RASL12: variants seen among roughly 807,000 people sequenced by gnomAD.
RASL12 encodes the protein RAS like family 12, also known as ras-like protein family member 12.
Under a neutral mutation model 22.9 loss-of-function variants are expected in RASL12, and 16 were observed. That is an observed-to-expected ratio of 0.70 (90% CI 0.47 to 1.06). RASL12 has a LOEUF of 1.06. Among genes scored for constraint, RASL12 ranks in the 50% least tolerant of loss-of-function variants. RASL12 has a pLI of 0.00. For synonymous variants in RASL12, 159 were observed against 152.2 expected, an observed-to-expected ratio of 1.04 and a Z score of -0.33; for missense variants, 306 against 353.1, an observed-to-expected ratio of 0.87 and a Z score of 1.07.
At chr15:65,063,220 AG>A (rs1358742835) in intron 2 of RASL12, among the ~76,000 whole-genome samples, 1 of 143,876 alleles carries the variant, frequency 7.0e-6, no homozygotes, top group East Asian at 2.1e-4. Flanking sequence ...AAAAAAAAAA[AG>A]GAATAATTTT....
downstream of RASL12, chr15:65,049,261 T>C (rs2086615829): frequency 6.6e-6 from 1 of 150,906 alleles, no homozygotes. Context: ...GTAAGGGATT[T>C]ATCCAGAGAG....
chr15:65,065,689 C>T (rs2086867614), intron 1 of RASL12, among the ~76,000 whole-genome samples: 1 of 152,136 alleles, frequency 6.6e-6, no homozygotes, highest in Admixed American at 6.5e-5. Flanking sequence ...GCTTTAGCTA[C>T]AAGCCAAAAA....
At chr15:65,063,546 C>G (rs1389551233) in intron 2 of RASL12, among the ~76,000 whole-genome samples, 1 of 152,198 alleles carries the variant, frequency 6.6e-6, no homozygotes, top group East Asian at 1.9e-4. Flanking sequence ...GGGCCTGTTT[C>G]CTCCACTGTA....
At chr15:65,073,997 T>C (rs1291620740) in intron 1 of RASL12, among the ~76,000 whole-genome samples, 3 of 152,198 alleles carry the variant, frequency 2.0e-5, no homozygotes, top group African/African-American at 7.2e-5. Context: ...GCAGCAAGTG[T>C]GGAATTCCCA....
chr15:65,064,468 T>C (rs2086852216), intron 2 of RASL12, among the ~76,000 whole-genome samples: 1 of 152,224 alleles, frequency 6.6e-6, no homozygotes, highest in Non-Finnish European at 1.5e-5. Context: ...AAAACAACAG[T>C]TGTTTTCTCA....
chr15:65,063,983 G>A (rs1376332932), intron 2 of RASL12, among the ~76,000 whole-genome samples: 1 of 152,186 alleles, frequency 6.6e-6, no homozygotes, highest in East Asian at 1.9e-4. Flanking sequence ...TGCTTTAATT[G>A]ATTTTTATGA....
At chr15:65,060,124 C>T (rs1455976570) in intron 2 of RASL12, among the ~76,000 whole-genome samples, 1 of 152,192 alleles carries the variant, frequency 6.6e-6, no homozygotes, top group Non-Finnish European at 1.5e-5. Flanking sequence ...TTTCCTTTGT[C>T]CCAGGCGCTG....
downstream of RASL12, chr15:65,049,800 G>T: frequency 4.7e-3 from 1,593 of 338,970 alleles, no homozygotes; most frequent in Middle Eastern, 9.5e-3. Context: ...GGTCGTTTTT[G>T]TCCCATAACT....
chr15:65,073,714 T>C (rs1276729049), intron 1 of RASL12, among the ~76,000 whole-genome samples: 3 of 152,226 alleles, frequency 2.0e-5, no homozygotes, highest in Non-Finnish European at 4.4e-5. Context: ...CTCTTGGTGC[T>C]TCAGTCTCTT....
At chr15:65,049,914 C>T, downstream of RASL12, 1 of 938,826 alleles carries the variant, frequency 1.1e-6, no homozygotes, top group Non-Finnish European at 1.6e-6. Flanking sequence ...CACGGCTTCT[C>T]TGCCCAGGGG....
chr15:65,057,205 G>T (rs553264143), intron 4 of RASL12, among the ~76,000 whole-genome samples: 1 of 152,154 alleles, frequency 6.6e-6, no homozygotes, highest in South Asian at 2.1e-4. Context: ...TAAACAAAGG[G>T]TCCCTTCCTT....
chr15:65,058,288 A>T, intron 4 of RASL12, 139 bp downstream of exon 4: 1 of 676,568 alleles, frequency 1.5e-6, no homozygotes, highest in Non-Finnish European at 2.2e-6. Flanking sequence ...ACACACACAC[A>T]AACAAACATA....
At chr15:65,062,390 C>T (rs1303418160) in intron 2 of RASL12, among the ~76,000 whole-genome samples, 1 of 152,196 alleles carries the variant, frequency 6.6e-6, no homozygotes, top group Non-Finnish European at 1.5e-5. Context: ...GGCCCCATGC[C>T]ACACAGACCT....
the RASL12 span, among the ~76,000 whole-genome samples, chr15:65,048,083 AC>A: frequency 6.6e-6 from 1 of 152,132 alleles, no homozygotes; most frequent in African/African-American, 2.4e-5. Flanking sequence ...AGGCAGAGGC[AC>A]AAACGAGAAC....
intron 2 of RASL12, among the ~76,000 whole-genome samples, chr15:65,060,222 G>A (rs1422201946): frequency 6.6e-6 from 1 of 152,214 alleles, no homozygotes; most frequent in East Asian, 1.9e-4. Flanking sequence ...ATGGGGCCTG[G>A]CTCACCATAC....
chr15:65,053,459 G>C lies in RASL12; in HGVS notation c.*1440C>G, dbSNP rs890572848. 1.7e-6 allele frequency: 2 copies of C among 1,174,814 alleles called. No homozygotes were observed. The highest frequency in any genetic ancestry group is 1.6e-5 in the African/African-American group (1 of 62,258). The allele number at this position is 1,174,814 out of a possible 1,614,324, so 72.8% of individuals were successfully genotyped here. A position where few individuals can be genotyped will look rare whatever the true frequency, so the allele number is the denominator to read the frequency against. Reference sequence around the variant, plus strand: ...CACACACAAGTGGCCTGGAGCAAAAGTGCAAAATCCGTAGCTGGCCTGTGG... The same window carrying C: ...CACACACAAGTGGCCTGGAGCAAAACTGCAAAATCCGTAGCTGGCCTGTGG... On this transcript the variant is annotated 3_prime_UTR_variant, in exon 5 of 5. Coordinates refer to ENST00000220062, the MANE Select transcript of RASL12 (RefSeq NM_016563.4).
the RASL12 span, among the ~76,000 whole-genome samples, chr15:65,046,937 C>T: frequency 1.3e-5 from 2 of 151,700 alleles, no homozygotes; most frequent in African/African-American, 2.4e-5. Context: ...AAAAAAACAC[C>T]ACTCCACTGT....
chr15:65,060,012 T>C (rs764558435), intron 2 of RASL12, among the ~76,000 whole-genome samples: 9 of 152,248 alleles, frequency 5.9e-5, no homozygotes, highest in Non-Finnish European at 8.8e-5. Context: ...TGTCAGCTGC[T>C]TTTTAGCTTT....
intron 2 of RASL12, among the ~76,000 whole-genome samples, chr15:65,061,378 C>A (rs1370926612): frequency 1.3e-5 from 2 of 152,196 alleles, no homozygotes; most frequent in Non-Finnish European, 2.9e-5. Flanking sequence ...ACCAGAATCG[C>A]CCAGTCTGGT....
Sources: allele counts gnomAD v4.1 joint callset (sites outside exome capture counted in the v4.1 genomes callset), GRCh38; gene constraint gnomAD v4.1.1; transcripts MANE v1.5; gene names NCBI Gene and HGNC (gene_info 2026-07-23, HGNC 2026-07-21).